The following TUBA1A variants were observed in gnomAD, a reference collection of about 807,000 sequenced individuals.
The protein encoded by TUBA1A is tubulin alpha 1a.
Under a neutral mutation model 34.6 loss-of-function variants are expected in TUBA1A, and 7 were observed. The ratio of observed to expected loss-of-function variants is 0.20; its 90% CI spans 0.11 to 0.38. The LOEUF (loss-of-function observed/expected upper bound fraction) is 0.38. TUBA1A is among the 10% of genes least tolerant of loss of function. The pLI, the probability that TUBA1A is intolerant of heterozygous loss-of-function variation, is 1.00. For missense variants in TUBA1A, 19 were observed against 581.3 expected (o/e 0.03, Z 9.95); for synonymous variants, 193 against 210.2 (o/e 0.92, Z 0.71).
At position 49,188,458 on chromosome 12, in the gene TUBA1A, A is replaced by G. The variant is rs1424172651; in HGVS notation, c.3+519T>C. The G allele has an allele frequency of 1.3e-6, 2 of 1,535,716 alleles. No homozygotes were observed. Among genetic ancestry groups the G allele is most frequent in the South Asian group, 1.2e-5 (1 of 84,034 alleles). Reference sequence around the variant, plus strand: ...TGTGTGGGTATCTTTCCAAAACGCCAAAGACCGCGGAGGGTCTTCCCACGC... The same window carrying G: ...TGTGTGGGTATCTTTCCAAAACGCCGAAGACCGCGGAGGGTCTTCCCACGC... On this transcript the variant is annotated intron_variant, in intron 1 of 3. Transcript: ENST00000301071. This position sits in a 1 kb window ranked among gnomAD's most constrained non-coding sequence, Gnocchi z 4.9.
Position 49,185,919 on chromosome 12 carries a change from G to A in TUBA1A, c.447C>T (p.Phe149=), listed in dbSNP as rs1421272029. The A allele has an allele frequency of 1.2e-6, 2 of 1,614,104 alleles. No individual in the cohort carries two copies. The highest frequency in any genetic ancestry group is 1.6e-4 in the Middle Eastern group (1 of 6,062). ...HSFGGGTGSG[F]TSLLMERLSV... is the part of the protein sequence containing the mutation. ...AGAGACGTTCCATGAGCAGCGAGGT[G>A]AACCCAGAACCAGTTCCCCCACCAA... Residue 149 remains phenylalanine, a synonymous_variant, in exon 4 of 4, where the codon TTC becomes TTT. Coordinates refer to ENST00000301071, the MANE Select transcript of TUBA1A (RefSeq NM_006009.4).
intron 1 of TUBA1A, chr12:49,187,805 C>T (rs994324945): frequency 1.5e-5 from 15 of 984,142 alleles, no homozygotes; most frequent in Non-Finnish European, 1.7e-5. Flanking sequence ...AGATTCTCTA[C>T]CCATCACATA....
At position 49,188,538 on chromosome 12, in the gene TUBA1A, C is replaced by A; in HGVS notation, c.3+439G>T. 1 of 1,505,980 alleles carries A rather than the reference C, an allele frequency of 6.6e-7. No individual in the cohort carries two copies. The highest frequency in any genetic ancestry group is 1.2e-5 in the South Asian group (1 of 81,348). 93.3% of individuals were successfully genotyped at this position (1,505,980 alleles called of 1,614,324 possible). ...CCCCTCCCACGTCCCCCAGCTCGCC[C>A]AACGCCCCCGCTCTTTTTGGGTGCC... On this transcript the variant is annotated intron_variant, in intron 1 of 3. Transcript: ENST00000301071. This position sits in a 1 kb window ranked among gnomAD's most constrained non-coding sequence, Gnocchi z 4.9.
chr12:49,186,176 A>T lies in TUBA1A; in HGVS notation c.375+134T>A. On this transcript the variant is annotated intron_variant, in intron 3 of 3. Transcript: ENST00000301071. This position sits in a 1 kb window ranked among gnomAD's most constrained non-coding sequence, Gnocchi z 6.6. ...AAATAGTTCATTTTAACTGAATTTTAAAAACCCCAAAAGAATGACTCATTC... is the reference window on the plus strand; with the variant it reads ...AAATAGTTCATTTTAACTGAATTTTTAAAACCCCAAAAGAATGACTCATTC... The T allele has an allele frequency of 1.3e-6, 2 of 1,572,066 alleles. No individual in the cohort carries two copies. The highest frequency in any genetic ancestry group is 1.7e-6 in the Non-Finnish European group (2 of 1,157,884).
rs139383482 is a variant in TUBA1A at position 49,188,900 on chromosome 12, G to C, written c.3+77C>G. 1.9e-6 allele frequency: 3 copies of C among 1,613,938 alleles called. No homozygotes were observed. The highest frequency in any genetic ancestry group is 2.2e-5 in the South Asian group (2 of 91,090). ...CCCAGAGAGCTTACGAAAGAAAAGA[G>C]CTTAAAGGTTTTCCAAGTAGAGCCT... On this transcript the variant is annotated intron_variant, in intron 1 of 3. Coordinates refer to ENST00000301071, the MANE Select transcript of TUBA1A (RefSeq NM_006009.4). The surrounding 1 kb of genome is among the most constrained non-coding windows in gnomAD (Gnocchi z 4.9).
chr12:49,187,228 G>C (rs1056493499), intron 1 of TUBA1A: 3 of 1,127,330 alleles, frequency 2.7e-6, no homozygotes, highest in Non-Finnish European at 3.3e-6. Flanking sequence ...AGTTTCCTCT[G>C]AATAGGACTT....
At position 49,188,565 on chromosome 12, in the gene TUBA1A, C is replaced by T. The variant is rs915790617; in HGVS notation, c.3+412G>A. The stretch of plus-strand genomic sequence containing the variant: ...ACGCCCCCGCTCTTTTTGGGTGCCT[C>T]CTCCTCTCCCGGTCCCCAGAGAACA... On this transcript the variant is annotated intron_variant, in intron 1 of 3. Transcript: ENST00000301071. The surrounding 1 kb of genome is among the most constrained non-coding windows in gnomAD (Gnocchi z 4.9). 6.8e-7 allele frequency: 1 copy of T among 1,479,428 alleles called. No individual in the cohort carries two copies. The highest frequency in any genetic ancestry group is 9.0e-7 in the Non-Finnish European group (1 of 1,116,548). The allele number at this position is 1,479,428 out of a possible 1,614,324, so 91.6% of individuals were successfully genotyped here.
At chr12:49,187,240 ATAT>A in intron 1 of TUBA1A, 1 of 1,113,452 alleles carries the variant, frequency 9.0e-7, no homozygotes, top group Non-Finnish European at 1.1e-6. Context: ...ATAGGACTTG[ATAT>A]TATAATCCGG....
chr12:49,186,290 A>G lies in TUBA1A; in HGVS notation c.375+20T>C. Reference sequence around the variant, plus strand: ...TTCTTTAGGCTCATTAATTTACTTTATTCTTGAAAAGAAACATACCAGCTT... The same window carrying G: ...TTCTTTAGGCTCATTAATTTACTTTGTTCTTGAAAAGAAACATACCAGCTT... On this transcript the variant is annotated intron_variant, in intron 3 of 3. Transcript: ENST00000301071. This position sits in a 1 kb window ranked among gnomAD's most constrained non-coding sequence, Gnocchi z 6.6. 1 of 1,612,788 alleles carries G rather than the reference A, an allele frequency of 6.2e-7. No homozygotes were observed. Among genetic ancestry groups the G allele is most frequent in the South Asian group, 1.1e-5 (1 of 91,030 alleles).
rs1592259422 is a variant in TUBA1A, at chr12:49,185,133, C to T, written c.1233G>A (p.Glu411=). ...KRAFVHWYVG[E]GMEEGEFSEA... ...CTGAAAACTCACCTTCCTCCATCCC[C>T]TCCCCAACGTACCAGTGAACAAAGG... Residue 411 remains glutamate, a synonymous_variant, in exon 4 of 4, where the codon GAG becomes GAA. Coordinates refer to ENST00000301071, the MANE Select transcript of TUBA1A (RefSeq NM_006009.4). The T allele has an allele frequency of 6.2e-7, 1 of 1,614,250 alleles. No individual in the cohort carries two copies. The highest frequency in any genetic ancestry group is 8.5e-7 in the Non-Finnish European group (1 of 1,180,048).
At chr12:49,187,365 G>C (rs2121250574) in intron 1 of TUBA1A, 4 of 1,026,120 alleles carry the variant, frequency 3.9e-6, no homozygotes, top group Non-Finnish European at 4.7e-6. Flanking sequence ...CTGCATTGCT[G>C]TATTTGCTGT....
In TUBA1A at chr12:49,188,702, C is replaced by G. The variant is rs905333674; in HGVS notation, c.3+275G>C. On this transcript the variant is annotated intron_variant, in intron 1 of 3. Coordinates refer to ENST00000301071, the MANE Select transcript of TUBA1A (RefSeq NM_006009.4). The surrounding 1 kb of genome is among the most constrained non-coding windows in gnomAD (Gnocchi z 4.9). ...CGCGGCAGACGGGCTGCCCGCGGCCCCCGAAAGTCTCTCGGATAACACAGG... is the reference window on the plus strand; with the variant it reads ...CGCGGCAGACGGGCTGCCCGCGGCCGCCGAAAGTCTCTCGGATAACACAGG... 1.1e-5 allele frequency: 16 copies of G among 1,439,622 alleles called. No homozygotes were observed. Among genetic ancestry groups the G allele is most frequent in the African/African-American group, 1.4e-5 (1 of 69,808 alleles). The allele number at this position is 1,439,622 out of a possible 1,614,324, so 89.2% of individuals were successfully genotyped here. A position where few individuals can be genotyped will look rare whatever the true frequency, so the allele number is the denominator to read the frequency against.
chr12:49,187,148 T>C, intron 1 of TUBA1A: 1 of 1,240,748 alleles, frequency 8.1e-7, no homozygotes, highest in Non-Finnish European at 1.0e-6. Flanking sequence ...TTTTGTAAAA[T>C]GAAGTAAATC....
intron 1 of TUBA1A, chr12:49,187,856 G>T: frequency 1.0e-6 from 1 of 978,276 alleles, no homozygotes; most frequent in South Asian, 4.8e-5. Flanking sequence ...TTTCTTCTCT[G>T]TGGTCTTTAG....
At chr12:49,187,882 T>G (rs922387018) in intron 1 of TUBA1A, 107 of 979,510 alleles carry the variant, frequency 1.1e-4, no homozygotes, top group Non-Finnish European at 1.2e-4. Context: ...CCACTTTCAT[T>G]GTCTATTCGC....
At position 49,184,864 on chromosome 12, in the gene TUBA1A, G is replaced by A. The variant is rs557975791; in HGVS notation, c.*146C>T. 10 of 1,344,662 alleles carry A rather than the reference G, an allele frequency of 7.4e-6. No homozygotes were observed. The South Asian group carries it at 8.5e-5, about 11-fold the overall frequency. 83.3% of individuals were successfully genotyped at this position (1,344,662 alleles called of 1,614,324 possible). On this transcript the variant is annotated 3_prime_UTR_variant, in exon 4 of 4. Transcript: ENST00000301071. ...ATGGACAGCTTGGGTCTGTAACAAA[G>A]CATTCATGTTTTAGAGCATAGGTCA...
At position 49,187,900 on chromosome 12, in the gene TUBA1A, G is replaced by C. The variant is rs913023390; in HGVS notation, c.4-1067C>G. On this transcript the variant is annotated intron_variant, in intron 1 of 3. Coordinates refer to ENST00000301071, the MANE Select transcript of TUBA1A (RefSeq NM_006009.4). ...CTTTCATTGTCTATTCGCTGATGTG[G>C]TGGGGGCGGGGCGGGGGGGCGGCGG... 1.3e-5 allele frequency: 13 copies of C among 983,504 alleles called. No homozygotes were observed. In the African/African-American group the frequency reaches 1.9e-4, roughly 15 times the overall value. The allele number at this position is 983,504 out of a possible 1,614,324, so 60.9% of individuals were successfully genotyped here.
At position 49,188,306 on chromosome 12, in the gene TUBA1A, A is replaced by T; in HGVS notation, c.3+671T>A. The T allele has an allele frequency of 6.7e-7, 1 of 1,490,974 alleles. No homozygotes were observed. Among genetic ancestry groups the T allele is most frequent in the Non-Finnish European group, 8.9e-7 (1 of 1,119,360 alleles). 92.4% of individuals were successfully genotyped at this position (1,490,974 alleles called of 1,614,324 possible). On this transcript the variant is annotated intron_variant, in intron 1 of 3. Transcript: ENST00000301071. The surrounding 1 kb of genome is among the most constrained non-coding windows in gnomAD (Gnocchi z 4.9). ...AGTCAGCTCCTGACAGAAGAGGTTCAGTGAGGGCGAACCCCGCCCAGTGGC... is the reference window on the plus strand; with the variant it reads ...AGTCAGCTCCTGACAGAAGAGGTTCTGTGAGGGCGAACCCCGCCCAGTGGC...
Position 49,189,054 on chromosome 12 carries a change from T to C in TUBA1A, c.-75A>G. 1 of 1,600,024 alleles carries C rather than the reference T, an allele frequency of 6.2e-7. No homozygotes were observed. The highest frequency in any genetic ancestry group is 1.1e-5 in the South Asian group (1 of 90,808). The stretch of plus-strand genomic sequence containing the variant: ...GTTGTTGCTTCTTACAGCGCGACTC[T>C]TAGGCGGTCGATGTAAGAGAACCTG... On this transcript the variant is annotated 5_prime_UTR_variant, in exon 1 of 4. Coordinates refer to ENST00000301071, the MANE Select transcript of TUBA1A (RefSeq NM_006009.4).
Sources: allele counts gnomAD v4.1 joint callset, GRCh38; gene constraint gnomAD v4.1.1; non-coding constraint Gnocchi (gnomAD v3.1); transcripts MANE v1.5; gene names NCBI Gene and HGNC (gene_info 2026-07-23, HGNC 2026-07-21).